The following PYGO1 variants were observed in gnomAD, a reference collection of about 807,000 sequenced individuals.
PYGO1 encodes pygopus homolog 1.
Under a neutral mutation model 29.5 loss-of-function variants are expected in PYGO1, and 6 were observed. The observed-to-expected ratio is 0.20, with a 90% CI of 0.11 to 0.40. The LOEUF is 0.40. PYGO1 is among the 10% of genes least tolerant of loss of function. PYGO1 has a pLI of 1.00. For missense variants in PYGO1, 515 were observed against 514.9 expected, an observed-to-expected ratio of 1.00 and a Z score of 0.00; for synonymous variants, 186 against 180.5, an observed-to-expected ratio of 1.03 and a Z score of -0.24.
chr15:55,584,154 T>C (rs975732648), intron 1 of PYGO1, among the ~76,000 whole-genome samples: 1 of 149,200 alleles, frequency 6.7e-6, no homozygotes, highest in African/African-American at 2.5e-5. Flanking sequence ...CTCACTCCAA[T>C]TGCCCAGGCG....
rs548886848 is a variant in PYGO1, at chr15:55,540,469, G to GA, written c.*5553dup. The GA allele has an allele frequency of 8.6e-5, 13 of 151,890 alleles. No homozygotes were observed. Among genetic ancestry groups the GA allele is most frequent in the Non-Finnish European group, 1.8e-4 (12 of 67,902 alleles). The allele number at this position is 151,890 out of a possible 1,614,324, so 9.4% of individuals were successfully genotyped here. ...ATTTAGTAAAGTATACCTGTAAGTGGAAAATAAAAATTTTAAGATTTATTG... is the reference window on the plus strand; with the variant it reads ...ATTTAGTAAAGTATACCTGTAAGTGGAAAAATAAAAATTTTAAGATTTATTG... On this transcript the variant is annotated 3_prime_UTR_variant, in exon 3 of 3. Coordinates refer to ENST00000563719, the MANE Select transcript of PYGO1 (RefSeq NM_001367806.1).
At chr15:55,577,593 TGTTTTTAAAA>T (rs1257854721) in intron 1 of PYGO1, among the ~76,000 whole-genome samples, 22 of 1,936 alleles carry the variant, frequency 0.011, 1 homozygote, top group African/African-American at 0.022. Context: ...ACTAGGTTTT[TGTTTTTAAAA>T]CTAGGTTTTT....
chr15:55,548,707 TAAAAAAAAAAAAAAAAAAAAAAAAAAAAA>T (rs60796044), intron 2 of PYGO1, among the ~76,000 whole-genome samples, 174 bp downstream of exon 2: 2 of 55,434 alleles, frequency 3.6e-5, no homozygotes, highest in African/African-American at 8.3e-5. Context: ...AGAATCCACC[TAAAAAAAAAAAAAAAAAAAAAAAAAAAAA>T]AAAAAAAAAA....
chr15:55,565,864 C>G (rs2058954192), intron 1 of PYGO1, among the ~76,000 whole-genome samples: 1 of 152,200 alleles, frequency 6.6e-6, no homozygotes, highest in Admixed American at 6.5e-5. Flanking sequence ...TCACTGCAAC[C>G]TCCAACTCCT....
intron 1 of PYGO1, among the ~76,000 whole-genome samples, chr15:55,552,855 C>T (rs1313645321): frequency 6.6e-6 from 1 of 152,150 alleles, no homozygotes; most frequent in African/African-American, 2.4e-5. Flanking sequence ...CCATACATTC[C>T]CTAGGAAGGG....
At chr15:55,569,368 G>A (rs1255595849) in intron 1 of PYGO1, among the ~76,000 whole-genome samples, 1 of 152,104 alleles carries the variant, frequency 6.6e-6, no homozygotes, top group South Asian at 2.1e-4. Flanking sequence ...TTCTAGGTGT[G>A]ATGTTAGATC....
Position 55,588,182 on chromosome 15 carries a change from T to A in PYGO1, c.-299A>T. 2.8e-6 allele frequency: 1 copy of A among 353,016 alleles called. No individual in the cohort carries two copies. The highest frequency in any genetic ancestry group is 3.9e-6 in the Non-Finnish European group (1 of 255,446). The allele number at this position is 353,016 out of a possible 1,614,324, so 21.9% of individuals were successfully genotyped here. A position where few individuals can be genotyped will look rare whatever the true frequency, so the allele number is the denominator to read the frequency against. Reference sequence around the variant, plus strand: ...GGGGCCGGCATGTGCTGAGGGCGAGTGCGCCGCCGCCGCCGCCGCCTCCTC... The same window carrying A: ...GGGGCCGGCATGTGCTGAGGGCGAGAGCGCCGCCGCCGCCGCCGCCTCCTC... On this transcript the variant is annotated 5_prime_UTR_variant, in exon 1 of 3. Transcript: ENST00000563719.
At chr15:55,561,312 T>C (rs1172906707) in intron 1 of PYGO1, among the ~76,000 whole-genome samples, 1 of 152,128 alleles carries the variant, frequency 6.6e-6, no homozygotes, top group East Asian at 1.9e-4. Context: ...GGACCCCTTC[T>C]GTATTAGTCC....
chr15:55,577,604 CTAGG>C (rs2059008588), intron 1 of PYGO1, among the ~76,000 whole-genome samples: 1 of 28,162 alleles, frequency 3.6e-5, no homozygotes, highest in African/African-American at 1.0e-4. Context: ...GTTTTTAAAA[CTAGG>C]TTTTTGTTTT....
chr15:55,586,518 ATATC>A (rs1263005850), intron 1 of PYGO1, among the ~76,000 whole-genome samples: 22 of 152,186 alleles, frequency 1.4e-4, no homozygotes, highest in Non-Finnish European at 8.8e-5. Context: ...ACTCTTAATG[ATATC>A]TATCACCTTT....
At chr15:55,548,173 C>T (rs1021706327) in intron 2 of PYGO1, among the ~76,000 whole-genome samples, 1 of 151,974 alleles carries the variant, frequency 6.6e-6, no homozygotes, top group African/African-American at 2.4e-5. Flanking sequence ...GAGTGTGCCA[C>T]CACACCCGGC....
At chr15:55,556,613 C>A in intron 1 of PYGO1, among the ~76,000 whole-genome samples, 1 of 151,570 alleles carries the variant, frequency 6.6e-6, no homozygotes, top group South Asian at 2.1e-4. Context: ...CAAACAAACT[C>A]CAAAGGTAGC....
rs1250721848 is a variant in PYGO1 at position 55,541,268 on chromosome 15, C to G, written c.*4755G>C. 1 of 152,174 alleles carries G rather than the reference C, an allele frequency of 6.6e-6. No individual in the cohort carries two copies. Among genetic ancestry groups the G allele is most frequent in the Non-Finnish European group, 1.5e-5 (1 of 68,044 alleles). 9.4% of individuals were successfully genotyped at this position (152,174 alleles called of 1,614,324 possible). ...TCCAGGGGTGCTTCCAAATTCCCAT[C>G]ACTGTACCATAAGTTGGAAGATGCA... On this transcript the variant is annotated 3_prime_UTR_variant, in exon 3 of 3. Coordinates refer to ENST00000563719, the MANE Select transcript of PYGO1 (RefSeq NM_001367806.1).
Position 55,588,151 on chromosome 15 carries a change from C to T in PYGO1, c.-268G>A. The T allele has an allele frequency of 3.2e-6, 2 of 616,256 alleles. No homozygotes were observed. Among genetic ancestry groups the T allele is most frequent in the Non-Finnish European group, 4.0e-6 (2 of 494,674 alleles). The allele number at this position is 616,256 out of a possible 1,614,324, so 38.2% of individuals were successfully genotyped here. A position where few individuals can be genotyped will look rare whatever the true frequency, so the allele number is the denominator to read the frequency against. On this transcript the variant is annotated 5_prime_UTR_variant, in exon 1 of 3. Coordinates refer to ENST00000563719, the MANE Select transcript of PYGO1 (RefSeq NM_001367806.1). ...GGGAGCGCGGCCTGGGGGCGGCCCCCCACCCGGGGCCGGCATGTGCTGAGG... is the reference window on the plus strand; with the variant it reads ...GGGAGCGCGGCCTGGGGGCGGCCCCTCACCCGGGGCCGGCATGTGCTGAGG...
intron 1 of PYGO1, among the ~76,000 whole-genome samples, chr15:55,565,575 G>C (rs538909924): frequency 1.3e-5 from 2 of 151,774 alleles, no homozygotes; most frequent in East Asian, 3.9e-4. Flanking sequence ...AATTAGCCAG[G>C]CTGGTAGCGG....
chr15:55,545,781 A>G lies in PYGO1; in HGVS notation c.*242T>C. The G allele has an allele frequency of 2.8e-6, 1 of 354,940 alleles. No individual in the cohort carries two copies. The allele number at this position is 354,940 out of a possible 1,614,324, so 22.0% of individuals were successfully genotyped here. A position where few individuals can be genotyped will look rare whatever the true frequency, so the allele number is the denominator to read the frequency against. ...GTTTCAAGAGGCTTTTATGTTTGTG[A>G]TAAATAACAACAACTAACATTTATT... is the stretch of plus-strand genomic sequence containing the variant. On this transcript the variant is annotated 3_prime_UTR_variant, in exon 3 of 3. Transcript: ENST00000563719.
intron 1 of PYGO1, among the ~76,000 whole-genome samples, chr15:55,573,254 C>G (rs1389444316): frequency 6.6e-6 from 1 of 151,634 alleles, no homozygotes; most frequent in Non-Finnish European, 1.5e-5. Flanking sequence ...TGCAGTGAGC[C>G]AAGACTGTGC....
intron 1 of PYGO1, among the ~76,000 whole-genome samples, chr15:55,584,291 G>A (rs137934709): frequency 1.1e-4 from 16 of 151,716 alleles, no homozygotes; most frequent in African/African-American, 3.1e-4. Context: ...CTAATTTTTC[G>A]TACTTTTAGT....
At chr15:55,588,968 G>A, upstream of PYGO1, 8 of 701,304 alleles carry the variant, frequency 1.1e-5, no homozygotes, top group Admixed American at 2.3e-5. Context: ...GAGCGACGTA[G>A]AATAAATACC....
Sources: gnomAD v4.1 joint callset for allele counts (sites outside exome capture counted in the v4.1 genomes callset) on GRCh38, gnomAD v4.1.1 for gene constraint, MANE v1.5 for transcripts, NCBI Gene and HGNC (gene_info 2026-07-23, HGNC 2026-07-21) for gene names.